The following STK3 variants were observed in gnomAD, a reference collection of about 807,000 sequenced individuals.
The protein encoded by STK3 is serine/threonine kinase 3.
In STK3, 41 loss-of-function variants were observed where a neutral mutation model predicts 58.0. The observed-to-expected ratio is 0.71, with a 90% CI of 0.55 to 0.92. The LOEUF (loss-of-function observed/expected upper bound fraction) is 0.92. Among genes scored for constraint, STK3 ranks in the 40% least tolerant of loss-of-function variants. The pLI is 0.00. For missense variants in STK3, 479 were observed against 602.7 expected, an observed-to-expected ratio of 0.79 and a Z score of 2.15; for synonymous variants, 170 against 191.0, an observed-to-expected ratio of 0.89 and a Z score of 0.91.
intron 6 of STK3, among the ~76,000 whole-genome samples, chr8:98,680,533 A>G (rs1305924298): frequency 6.6e-6 from 1 of 152,224 alleles, no homozygotes; most frequent in Non-Finnish European, 1.5e-5. Context: ...AACTTACTAC[A>G]GCTGCCAGGT....
intron 6 of STK3, among the ~76,000 whole-genome samples, chr8:98,656,730 T>G (rs1048132731): frequency 6.6e-6 from 1 of 152,216 alleles, no homozygotes; most frequent in East Asian, 1.9e-4. Context: ...TCATTATCCA[T>G]TGGGATTTGG....
At chr8:98,793,744 T>C (rs1235537133) in intron 1 of STK3, among the ~76,000 whole-genome samples, 1 of 152,070 alleles carries the variant, frequency 6.6e-6, no homozygotes, top group Non-Finnish European at 1.5e-5. Context: ...GAAGATACAC[T>C]GTTCTCGTCT....
intron 3 of STK3, among the ~76,000 whole-genome samples, chr8:98,426,083 T>C (rs371076127): frequency 7.9e-4 from 120 of 152,208 alleles, no homozygotes; most frequent in African/African-American, 2.8e-3. Flanking sequence ...TTCTTAGGAA[T>C]AGGGACACAG....
At chr8:98,354,685 C>T in the STK3 span, among the ~76,000 whole-genome samples, 2 of 152,218 alleles carry the variant, frequency 1.3e-5, no homozygotes, top group South Asian at 4.1e-4. Context: ...GCTCTTTCCC[C>T]TAAGGACATC....
At chr8:98,668,202 G>A (rs905218429) in intron 6 of STK3, among the ~76,000 whole-genome samples, 1 of 152,166 alleles carries the variant, frequency 6.6e-6, no homozygotes, top group African/African-American at 2.4e-5. Context: ...CAGGTAAGAT[G>A]AGGTGTACAT....
At chr8:98,810,006 G>A (rs547414387) in intron 1 of STK3, among the ~76,000 whole-genome samples, 2 of 152,276 alleles carry the variant, frequency 1.3e-5, no homozygotes, top group South Asian at 4.1e-4. Flanking sequence ...CAACCATGGT[G>A]GAAGGCAAAG....
At chr8:98,382,203 T>C (rs1014651692) in intron 1 of STK3, among the ~76,000 whole-genome samples, 5 of 152,314 alleles carry the variant, frequency 3.3e-5, no homozygotes, top group Admixed American at 2.0e-4. Context: ...GCTGGCCTTC[T>C]GCGTCTCTTG....
intron 1 of STK3, among the ~76,000 whole-genome samples, chr8:98,816,398 C>T (rs184952706): frequency 1.3e-5 from 2 of 152,242 alleles, no homozygotes; most frequent in Non-Finnish European, 2.9e-5. Flanking sequence ...ATAGTCCCAG[C>T]TCCTCAGAAG....
chr8:98,422,259 C>T (rs552946064), intron 3 of STK3, among the ~76,000 whole-genome samples: 11 of 152,296 alleles, frequency 7.2e-5, no homozygotes, highest in East Asian at 3.9e-4. Flanking sequence ...GCATTTGTAA[C>T]GTGCAGCAAA....
rs1438278244 is a variant in STK3 at position 98,597,832 on chromosome 8, A to G, written c.685-1663T>C. On this transcript the variant is annotated intron_variant, in intron 6 of 10. Coordinates refer to ENST00000419617, the MANE Select transcript of STK3 (RefSeq NM_006281.4). ...ACAGTCAACTTGTGCAGAAAAAAAAAAAAACACATATGAAACGAATAGCAA... is the reference window on the plus strand; with the variant it reads ...ACAGTCAACTTGTGCAGAAAAAAAAGAAAACACATATGAAACGAATAGCAA... 3 of 985,178 alleles carry G rather than the reference A, an allele frequency of 3.0e-6. No homozygotes were observed. In the Admixed American group the frequency reaches 1.8e-4, roughly 61 times the overall value. The allele number at this position is 985,178 out of a possible 1,614,324, so 61.0% of individuals were successfully genotyped here.
chr8:98,514,422 T>C (rs983997254), intron 10 of STK3, among the ~76,000 whole-genome samples: 2 of 152,068 alleles, frequency 1.3e-5, no homozygotes, highest in African/African-American at 4.8e-5. Flanking sequence ...TTAAAAGTTA[T>C]TTACACCCTG....
chr8:98,506,503 C>T (rs62532757), intron 10 of STK3, among the ~76,000 whole-genome samples: 59,514 of 151,776 alleles, frequency 0.39, 11,965 homozygotes, highest in Admixed American at 0.52. Flanking sequence ...AGCTGCAGAC[C>T]GGAGCTGTTC....
At chr8:98,490,658 A>T (rs1385935022) in intron 10 of STK3, among the ~76,000 whole-genome samples, 1 of 152,214 alleles carries the variant, frequency 6.6e-6, no homozygotes, top group Non-Finnish European at 1.5e-5. Flanking sequence ...CAGAGAAAAT[A>T]AATCATTAAA....
intron 3 of STK3, chr8:98,429,994 T>C (rs1478094118): frequency 1.2e-5 from 2 of 167,266 alleles, no homozygotes; most frequent in East Asian, 3.8e-4. Flanking sequence ...AAGTTGTTTT[T>C]ATAAATGATC....
At chr8:98,375,146 T>G (rs996402491) in intron 2 of STK3, among the ~76,000 whole-genome samples, 1 of 151,928 alleles carries the variant, frequency 6.6e-6, no homozygotes, top group South Asian at 2.1e-4. Context: ...TCCCTGCTAC[T>G]TGGGAGGCTG....
chr8:98,478,150 A>G (rs1042192205), intron 10 of STK3, among the ~76,000 whole-genome samples: 1 of 152,216 alleles, frequency 6.6e-6, no homozygotes, highest in Admixed American at 6.5e-5. Context: ...GAGTGAGCAC[A>G]AGGACAAGAG....
In STK3 at chr8:98,765,716, G is replaced by A. The variant is rs1336128805; in HGVS notation, c.236+1527C>T. Among the ~76,000 whole-genome samples the A allele has an allele frequency of 2.0e-5, 3 of 152,330 alleles. 1 individual carries two copies. Among genetic ancestry groups the A allele is most frequent in the Admixed American group, 2.0e-4 (3 of 15,304 alleles). On this transcript the variant is annotated intron_variant, in intron 3 of 10. Transcript: ENST00000419617. ...GCATGAGGACAAAGCACATGCTAACGATGAGAGAGTACAAGAAAAGAAGAC... is the reference window on the plus strand; with the variant it reads ...GCATGAGGACAAAGCACATGCTAACAATGAGAGAGTACAAGAAAAGAAGAC...
chr8:98,639,485 G>C (rs1328937116), intron 6 of STK3, among the ~76,000 whole-genome samples: 1 of 152,164 alleles, frequency 6.6e-6, no homozygotes, highest in African/African-American at 2.4e-5. Flanking sequence ...GTTGAAATGT[G>C]CTCTTCTTTC....
intron 3 of STK3, among the ~76,000 whole-genome samples, chr8:98,833,935 C>G (rs540472321): frequency 6.6e-6 from 1 of 152,064 alleles, no homozygotes; most frequent in African/African-American, 2.4e-5. Context: ...CTAGACTTCC[C>G]TGAAGTTTAT....
Sources: gnomAD v4.1 joint callset for allele counts (sites outside exome capture counted in the v4.1 genomes callset) on GRCh38, gnomAD v4.1.1 for gene constraint, MANE v1.5 for transcripts, NCBI Gene and HGNC (gene_info 2026-07-23, HGNC 2026-07-21) for gene names.